LAMC3: variants seen among roughly 807,000 people sequenced by gnomAD.
The protein encoded by LAMC3 is laminin subunit gamma-3.
Under a neutral mutation model 173.8 loss-of-function variants are expected in LAMC3, and 128 were observed. The observed-to-expected ratio is 0.74, with a 90% CI of 0.64 to 0.85. The LOEUF (loss-of-function observed/expected upper bound fraction) is 0.85. Ranked by LOEUF, LAMC3 falls within the 40% of genes least tolerant of loss-of-function variation. The probability of loss-of-function intolerance (pLI) is 0.00; values close to 1 mark genes in which losing one functional copy is unlikely to be tolerated. For missense variants in LAMC3, 2,022 were observed against 2,156.0 expected (o/e 0.94, Z 1.23); for synonymous variants, 897 against 909.1 (o/e 0.99, Z 0.24).
chr9:131,045,015 G>A (rs1174005639), intron 7 of LAMC3, among the ~76,000 whole-genome samples: 1 of 152,108 alleles, frequency 6.6e-6, no homozygotes, highest in Non-Finnish European at 1.5e-5. Context: ...CTGAGGTCAG[G>A]AGTTCGAGGT....
At chr9:131,041,215 A>G (rs576625264) in intron 6 of LAMC3, among the ~76,000 whole-genome samples, 1 of 152,112 alleles carries the variant, frequency 6.6e-6, no homozygotes, top group African/African-American at 2.4e-5. Flanking sequence ...AAAAATACAA[A>G]AATTAGCTGG....
In LAMC3 at chr9:131,072,793, G is replaced by A. The variant is rs761823652; in HGVS notation, c.3375G>A (p.Ser1125=). 136 of 1,613,048 alleles carry A rather than the reference G, an allele frequency of 8.4e-5. No homozygotes were observed. Among genetic ancestry groups the A allele is most frequent in the Non-Finnish European group, 1.0e-4 (118 of 1,179,712 alleles). ...LADLEAVLES[S]EEEILHAAAI... is the part of the protein sequence containing the mutation. ...ACCTGGAGGCAGTGCTGGAGTCCTC[G>A]GAAGAGGAGATTCTGCATGCAGCTG... The change falls in exon 19 of 28, where the codon TCG becomes TCA. Residue 1125 remains serine (S), a synonymous_variant. Coordinates refer to ENST00000361069, the MANE Select transcript of LAMC3 (RefSeq NM_006059.4).
At chr9:131,066,879 G>T in intron 13 of LAMC3, 81 bp from the exon 14 acceptor site, 1 of 1,566,636 alleles carries the variant, frequency 6.4e-7, no homozygotes, top group South Asian at 1.1e-5. Flanking sequence ...GTGGAGGGAC[G>T]CTTGCTCTGC....
chr9:131,069,076 C>G, intron 16 of LAMC3, 26 bp downstream of exon 16: 5 of 1,612,484 alleles, frequency 3.1e-6, no homozygotes, highest in Non-Finnish European at 4.2e-6. Context: ...CCTTCCCGGG[C>G]TGCCCTGAGG....
Position 131,091,726 on chromosome 9 carries a change from A to T in LAMC3, c.4667A>T (p.Asp1556Val). 1 of 1,613,274 alleles carries T rather than the reference A, an allele frequency of 6.2e-7. No individual in the cohort carries two copies. The highest frequency in any genetic ancestry group is 2.2e-5 in the East Asian group (1 of 44,882). The change falls in exon 28 of 28, where the codon GAC becomes GTC. Residue 1556 changes from aspartate (D) to valine (V), a missense_variant. Physicochemically the swap from Asp to Val is radical, Grantham distance 152. Transcript: ENST00000361069. ...FESDLAEIRA[D>V]KQNLEAILHS... ...AGTGACCTCGCCGAGATCCGCGCCG[A>T]CAAACAGAACCTGGAGGCCATTCTG...
chr9:131,077,035 T>C (rs1221849449), intron 21 of LAMC3, 152 bp from the exon 22 acceptor site: 1 of 966,414 alleles, frequency 1.0e-6, no homozygotes, highest in Non-Finnish European at 1.6e-6. Flanking sequence ...AAGCAGCCAC[T>C]TTCCGAGGCA....
At chr9:131,046,180 CTTTTTTTTTTTTTTTT>C (rs61108655) in intron 8 of LAMC3, among the ~76,000 whole-genome samples, 2,173 of 76,746 alleles carry the variant, frequency 0.028, 44 homozygotes, top group Middle Eastern at 0.059. Flanking sequence ...AGTTTTGCTC[CTTTTTTTTTTTTTTTT>C]TTTTTTTTTT....
intron 6 of LAMC3, among the ~76,000 whole-genome samples, chr9:131,041,103 A>T (rs1333702587): frequency 6.6e-6 from 1 of 152,170 alleles, no homozygotes; most frequent in Non-Finnish European, 1.5e-5. Context: ...ACGGTGGCTC[A>T]TGTATGTAAT....
intron 1 of LAMC3, among the ~76,000 whole-genome samples, chr9:131,014,456 G>A (rs1833482951): frequency 6.6e-6 from 1 of 152,210 alleles, no homozygotes; most frequent in African/African-American, 2.4e-5. Context: ...TCTAAGGTTG[G>A]GCAGAAGGCC....
rs1289253623 is a variant in LAMC3, at chr9:131,092,323, G to C, written c.*536G>C. Reference sequence around the variant, plus strand: ...AACAGCCAAAGCCCCTAGTCCCAGAGCTGGCTGCCCTCTGTTTCACAGCAG... The same window carrying C: ...AACAGCCAAAGCCCCTAGTCCCAGACCTGGCTGCCCTCTGTTTCACAGCAG... On this transcript the variant is annotated 3_prime_UTR_variant, in exon 28 of 28. Coordinates refer to ENST00000361069, the MANE Select transcript of LAMC3 (RefSeq NM_006059.4). The C allele has an allele frequency of 5.9e-6, 1 of 170,548 alleles. No homozygotes were observed. 10.6% of individuals were successfully genotyped at this position (170,548 alleles called of 1,614,324 possible). A position where few individuals can be genotyped will look rare whatever the true frequency, so the allele number is the denominator to read the frequency against.
chr9:131,089,797 T>C (rs1358929457), intron 27 of LAMC3, among the ~76,000 whole-genome samples: 2 of 150,590 alleles, frequency 1.3e-5, no homozygotes, highest in African/African-American at 4.9e-5. Context: ...GGAGAGAGAA[T>C]TGCCATGCTC....
At chr9:131,034,013 C>T (rs1312037996) in intron 3 of LAMC3, among the ~76,000 whole-genome samples, 3 of 152,168 alleles carry the variant, frequency 2.0e-5, no homozygotes, top group African/African-American at 7.2e-5. Flanking sequence ...TTATGTGAGT[C>T]GGTGGGAGGA....
chr9:131,015,088 G>A (rs1833496050), intron 1 of LAMC3, among the ~76,000 whole-genome samples: 1 of 152,290 alleles, frequency 6.6e-6, no homozygotes, highest in East Asian at 1.9e-4. Context: ...TTGCAAATGG[G>A]GAAACCAAGG....
chr9:131,010,980 T>C (rs552855912), intron 1 of LAMC3, among the ~76,000 whole-genome samples: 1 of 152,374 alleles, frequency 6.6e-6, no homozygotes, highest in Admixed American at 6.5e-5. Flanking sequence ...CTGGTATCAC[T>C]GGTTAGACTC....
rs892806259 is a variant in LAMC3 at position 131,092,919 on chromosome 9, G to A, written c.*1132G>A. 1 of 152,626 alleles carries A rather than the reference G, an allele frequency of 6.6e-6. No homozygotes were observed. The highest frequency in any genetic ancestry group is 1.5e-5 in the Non-Finnish European group (1 of 68,356). The allele number at this position is 152,626 out of a possible 1,614,324, so 9.5% of individuals were successfully genotyped here. On this transcript the variant is annotated 3_prime_UTR_variant, in exon 28 of 28. Coordinates refer to ENST00000361069, the MANE Select transcript of LAMC3 (RefSeq NM_006059.4). Reference sequence around the variant, plus strand: ...CCCTCTCCCAGACCCTCTTCCAGCAGATGGCAAGGCCTCGGCATTGGGAAG... The same window carrying A: ...CCCTCTCCCAGACCCTCTTCCAGCAAATGGCAAGGCCTCGGCATTGGGAAG...
chr9:131,017,002 A>G (rs1564362495), intron 1 of LAMC3, among the ~76,000 whole-genome samples: 1 of 152,176 alleles, frequency 6.6e-6, no homozygotes, highest in Non-Finnish European at 1.5e-5. Flanking sequence ...GTTCTGGTGC[A>G]GCACAGCTTG....
intron 1 of LAMC3, among the ~76,000 whole-genome samples, chr9:131,020,683 T>G (rs973140188): frequency 6.6e-6 from 1 of 152,112 alleles, no homozygotes; most frequent in Non-Finnish European, 1.5e-5. Context: ...GACGAGGGGC[T>G]GAGAGAATGA....
rs973571528 is a variant in LAMC3, at chr9:131,094,155, G to T, written c.*2368G>T. On this transcript the variant is annotated 3_prime_UTR_variant, in exon 28 of 28. Transcript: ENST00000361069. ...CAGAGTGGCTTTCTTTGTTTTTCTT[G>T]TGCCTGATAGGAGAGGACACCCACC... 1 of 151,760 alleles carries T rather than the reference G, an allele frequency of 6.6e-6. No homozygotes were observed. The highest frequency in any genetic ancestry group is 2.4e-5 in the African/African-American group (1 of 41,310). 9.4% of individuals were successfully genotyped at this position (151,760 alleles called of 1,614,324 possible). A position where few individuals can be genotyped will look rare whatever the true frequency, so the allele number is the denominator to read the frequency against.
At chr9:131,086,562 T>A (rs1255302462) in intron 25 of LAMC3, among the ~76,000 whole-genome samples, 1 of 136,100 alleles carries the variant, frequency 7.3e-6, no homozygotes, top group East Asian at 2.1e-4. Flanking sequence ...TGTGTGCCAC[T>A]GTGCCTGGCT....
Sources: allele counts gnomAD v4.1 joint callset (sites outside exome capture counted in the v4.1 genomes callset), GRCh38; gene constraint gnomAD v4.1.1; transcripts MANE v1.5; gene names NCBI Gene and HGNC (gene_info 2026-07-23, HGNC 2026-07-21).